Variants in COL12A1 observed in about 807,000 individuals in gnomAD.
COL12A1 encodes the protein collagen alpha-1(XII) chain.
In COL12A1, 114 loss-of-function variants were observed where a neutral mutation model predicts 349.7. The ratio of observed to expected loss-of-function variants is 0.33; its 90% CI spans 0.28 to 0.38. The LOEUF (loss-of-function observed/expected upper bound fraction) is 0.38, where lower values mean the gene tolerates loss of function less well. COL12A1 is among the 10% of genes least tolerant of loss of function. The pLI, the probability that COL12A1 is intolerant of heterozygous loss-of-function variation, is 1.00. For missense variants in COL12A1, 3,284 were observed against 3,756.9 expected (o/e 0.87, Z 3.29); for synonymous variants, 1,369 against 1,329.0 (o/e 1.03, Z -0.66).
At chr6:75,093,355 A>G (rs750873069) in intron 60 of COL12A1, among the ~76,000 whole-genome samples, 37 of 152,248 alleles carry the variant, frequency 2.4e-4, no homozygotes, top group Non-Finnish European at 3.7e-4. Context: ...ATCAGGTACT[A>G]TAAGTTAGCA....
intron 44 of COL12A1, among the ~76,000 whole-genome samples, chr6:75,120,289 C>T (rs1334818469): frequency 6.6e-6 from 1 of 151,854 alleles, no homozygotes; most frequent in Non-Finnish European, 1.5e-5. Flanking sequence ...GGATCAATGT[C>T]CAGAGGATTA....
chr6:75,156,808 T>C (rs240740), intron 14 of COL12A1, among the ~76,000 whole-genome samples: 1 of 152,184 alleles, frequency 6.6e-6, no homozygotes, highest in African/African-American at 2.4e-5. Context: ...AAAACATCCA[T>C]TTCCGGAGAT....
At chr6:75,109,912 T>G (rs989508345) in intron 51 of COL12A1, among the ~76,000 whole-genome samples, 2 of 152,082 alleles carry the variant, frequency 1.3e-5, no homozygotes, top group African/African-American at 4.8e-5. Flanking sequence ...AATACTCAAG[T>G]AAGCCCTTGA....
At chr6:75,151,544 T>C (rs950190000) in intron 20 of COL12A1, among the ~76,000 whole-genome samples, 8 of 152,178 alleles carry the variant, frequency 5.3e-5, no homozygotes, top group Non-Finnish European at 1.0e-4. Flanking sequence ...AAGACTCTCT[T>C]CAGTGTTTTT....
rs1370422060 is a variant in COL12A1 at position 75,133,919 on chromosome 6, T to C, written c.5603A>G (p.Glu1868Gly). 2 of 1,613,998 alleles carry C rather than the reference T, an allele frequency of 1.2e-6. No individual in the cohort carries two copies. Among genetic ancestry groups the C allele is most frequent in the Non-Finnish European group, 1.7e-6 (2 of 1,179,992 alleles). Residue 1868 changes from glutamate to glycine, a missense_variant, in exon 33 of 66, where the codon GAG (glutamate) becomes GGG (glycine). Glu to Gly is a moderately conservative substitution (Grantham distance 98, BLOSUM62 -2). Coordinates refer to ENST00000322507, the MANE Select transcript of COL12A1 (RefSeq NM_004370.6). ...GAGCTTGTACTGACGAGGATTTCCC[T>C]CTGCATGGTCCCAGCGGACATTCAA... ...STLNVRWDHA[E>G]GNPRQYKLFY...
chr6:75,193,221 G>T (rs1770036308), intron 3 of COL12A1, among the ~76,000 whole-genome samples: 1 of 152,128 alleles, frequency 6.6e-6, no homozygotes, highest in African/African-American at 2.4e-5. Flanking sequence ...AGTTTTGGAA[G>T]TGTTAGGTGT....
At chr6:75,179,380 T>C (rs1769141938) in intron 11 of COL12A1, among the ~76,000 whole-genome samples, 1 of 151,994 alleles carries the variant, frequency 6.6e-6, no homozygotes, top group Non-Finnish European at 1.5e-5. Context: ...AGGGTCAGGG[T>C]CATCGAGCAG....
At chr6:75,175,348 T>A in intron 12 of COL12A1, 38 bp from the exon 13 acceptor site, 1 of 1,586,088 alleles carries the variant, frequency 6.3e-7, no homozygotes, top group Admixed American at 1.8e-5. Context: ...AAACCCATTA[T>A]TTAAAAAAAT....
intron 58 of COL12A1, among the ~76,000 whole-genome samples, chr6:75,099,752 CT>C (rs1192540572): frequency 6.6e-6 from 1 of 152,130 alleles, no homozygotes; most frequent in African/African-American, 2.4e-5. Flanking sequence ...ATATGTGGTT[CT>C]TTTTTTACTT....
chr6:75,159,871 G>C (rs984691018), intron 14 of COL12A1, among the ~76,000 whole-genome samples: 1 of 151,850 alleles, frequency 6.6e-6, no homozygotes, highest in Non-Finnish European at 1.5e-5. Flanking sequence ...GGGATGCCAA[G>C]CTTTAAAATG....
chr6:75,146,999 C>T (rs57173007), intron 23 of COL12A1, among the ~76,000 whole-genome samples: 8,516 of 152,134 alleles, frequency 0.056, 602 homozygotes, highest in African/African-American at 0.16. Context: ...TCCCTAGAGC[C>T]CAACCAAGAA....
intron 60 of COL12A1, among the ~76,000 whole-genome samples, chr6:75,093,429 T>C (rs1767863681): frequency 6.6e-6 from 1 of 152,184 alleles, no homozygotes. Context: ...CCAAGCTCTC[T>C]GCTAAGACCT....
chr6:75,150,643 A>T (rs1402347116), intron 21 of COL12A1, among the ~76,000 whole-genome samples: 1 of 152,148 alleles, frequency 6.6e-6, no homozygotes, highest in Non-Finnish European at 1.5e-5. Context: ...ACCAAAACTG[A>T]GGAAAACAAG....
chr6:75,204,761 C>G (rs1022299111), intron 1 of COL12A1, among the ~76,000 whole-genome samples: 2 of 152,098 alleles, frequency 1.3e-5, no homozygotes, highest in Non-Finnish European at 2.9e-5. Flanking sequence ...CCTTAACTCC[C>G]GCGTCCAGTT....
chr6:75,189,367 A>G lies in COL12A1; in HGVS notation c.673T>C (p.Tyr225His), dbSNP rs370494661. Residue 225 changes from tyrosine to histidine, a missense_variant, in exon 7 of 66, where the codon TAT (tyrosine) becomes CAT (histidine). Physicochemically the swap from Tyr to His is moderately conservative, Grantham distance 83. This residue lies in a region of COL12A1 where 2,601 missense variants were observed against 2,824.8 expected (regional missense o/e 0.92). Coordinates refer to ENST00000322507, the MANE Select transcript of COL12A1 (RefSeq NM_004370.6). Reference sequence around the variant, plus strand: ...TCCGTGAAAGTATTTTTAACTAAATAATCAATGGCATCCCCTAAAGGGAAA... The same window carrying G: ...TCCGTGAAAGTATTTTTAACTAAATGATCAATGGCATCCCCTAAAGGGAAA... ...GNTMTGDAID[Y>H]LVKNTFTESA... The G allele has an allele frequency of 1.2e-6, 2 of 1,612,556 alleles. No individual in the cohort carries two copies. The highest frequency in any genetic ancestry group is 2.7e-5 in the African/African-American group (2 of 74,874).
At chr6:75,112,821 T>C (rs1017665868) in intron 51 of COL12A1, among the ~76,000 whole-genome samples, 2 of 151,606 alleles carry the variant, frequency 1.3e-5, no homozygotes, top group African/African-American at 4.8e-5. Flanking sequence ...GGCATGTTTG[T>C]ACTTTTCAAT....
At chr6:75,097,452 C>A in intron 58 of COL12A1, 146 bp from the exon 59 acceptor site, 1 of 501,210 alleles carries the variant, frequency 2.0e-6, no homozygotes, top group Non-Finnish European at 3.6e-6. Context: ...AATAAAAAGA[C>A]AAACAGCAAA....
chr6:75,197,458 G>A (rs570034149), intron 2 of COL12A1, among the ~76,000 whole-genome samples: 49 of 151,948 alleles, frequency 3.2e-4, no homozygotes, highest in African/African-American at 1.2e-3. Context: ...GATTACAGGC[G>A]TGCTCCACCA....
intron 52 of COL12A1, among the ~76,000 whole-genome samples, chr6:75,108,140 T>C (rs1582060795): frequency 6.6e-6 from 1 of 152,110 alleles, no homozygotes; most frequent in East Asian, 1.9e-4. Flanking sequence ...AGTGCAGTGA[T>C]GCCATCATAG....
Sources: gnomAD v4.1 joint callset for allele counts (sites outside exome capture counted in the v4.1 genomes callset) on GRCh38, gnomAD v4.1.1 for gene constraint, gnomAD v4.1.1 regional missense constraint, MANE v1.5 for transcripts, NCBI Gene and HGNC (gene_info 2026-07-23, HGNC 2026-07-21) for gene names.